Variants in SMAD6 observed in about 807,000 individuals in gnomAD.
SMAD6 encodes SMAD family member 6.
SMAD6 carries 103 observed loss-of-function variants against 39.4 expected under a neutral mutation model. That is an observed-to-expected ratio of 2.62 (90% CI 2.23 to 3.08). The LOEUF (loss-of-function observed/expected upper bound fraction) is 3.08, where lower values mean the gene tolerates loss of function less well. SMAD6 is among the 30% of genes most tolerant of loss of function. The pLI, the probability that SMAD6 is intolerant of heterozygous loss-of-function variation, is 0.00. For synonymous variants in SMAD6, 445 were observed against 353.3 expected (o/e 1.26, Z -2.91); for missense variants, 1,104 against 742.9 (o/e 1.49, Z -5.65).
At chr15:66,729,568 T>C (rs536744818) in intron 3 of SMAD6, among the ~76,000 whole-genome samples, 20 of 152,172 alleles carry the variant, frequency 1.3e-4, no homozygotes, top group Middle Eastern at 3.4e-3. Flanking sequence ...GACAGCGTGG[T>C]GTTTTCAGCC....
chr15:66,769,985 G>A (rs903680234), intron 3 of SMAD6, among the ~76,000 whole-genome samples: 5 of 152,096 alleles, frequency 3.3e-5, no homozygotes, highest in African/African-American at 9.7e-5. Flanking sequence ...CCGCCACCAC[G>A]CCCAGCTGAT....
intron 1 of SMAD6, chr15:66,705,084 G>A (rs1482889050): frequency 6.6e-6 from 1 of 152,352 alleles, no homozygotes; most frequent in African/African-American, 2.4e-5. Flanking sequence ...GACTGGCAGG[G>A]AGTCACAGGC....
At chr15:66,726,133 C>T (rs937856747) in intron 3 of SMAD6, among the ~76,000 whole-genome samples, 42 of 152,312 alleles carry the variant, frequency 2.8e-4, no homozygotes, top group African/African-American at 9.1e-4. Context: ...CCCTTCTCTG[C>T]ACCTGCCCCC....
chr15:66,762,852 T>TA (rs1894224180), intron 3 of SMAD6, among the ~76,000 whole-genome samples: 1 of 152,000 alleles, frequency 6.6e-6, no homozygotes, highest in African/African-American at 2.4e-5. Flanking sequence ...TTGTTGGTCT[T>TA]ACAATAGCAA....
chr15:66,731,437 CAAA>C (rs58387784), intron 3 of SMAD6, among the ~76,000 whole-genome samples: 4 of 126,814 alleles, frequency 3.2e-5, no homozygotes, highest in African/African-American at 3.0e-5. Context: ...GACTCCGTCT[CAAA>C]AAAAAAAAAA....
intron 3 of SMAD6, among the ~76,000 whole-genome samples, chr15:66,771,635 A>T (rs770011819): frequency 6.6e-6 from 1 of 152,188 alleles, no homozygotes; most frequent in Non-Finnish European, 1.5e-5. Flanking sequence ...CATATGAGGC[A>T]GCACCAAGGT....
intron 3 of SMAD6, among the ~76,000 whole-genome samples, chr15:66,744,381 A>G (rs1417147124): frequency 6.6e-6 from 1 of 152,170 alleles, no homozygotes; most frequent in African/African-American, 2.4e-5. Context: ...GGCGGCTTCC[A>G]TGTGCCTCAA....
chr15:66,746,513 T>TG (rs892069819), intron 3 of SMAD6, among the ~76,000 whole-genome samples: 2 of 148,382 alleles, frequency 1.3e-5, no homozygotes, highest in African/African-American at 4.9e-5. Flanking sequence ...TCTAGGGGGG[T>TG]GGGGGGTCCT....
In SMAD6 at chr15:66,704,023, C is replaced by T. The variant is rs1375800482; in HGVS notation, c.765C>T (p.Asp255=). 2.0e-6 allele frequency: 3 copies of T among 1,505,928 alleles called. No homozygotes were observed. The highest frequency in any genetic ancestry group is 1.4e-5 in the African/African-American group (1 of 69,436). The allele number at this position is 1,505,928 out of a possible 1,614,324, so 93.3% of individuals were successfully genotyped here. A position where few individuals can be genotyped will look rare whatever the true frequency, so the allele number is the denominator to read the frequency against. The change falls in exon 1 of 4, where the codon GAC becomes GAT. Residue 255 remains aspartate (D), a synonymous_variant. Coordinates refer to ENST00000288840, the MANE Select transcript of SMAD6 (RefSeq NM_005585.5). ...GCCACAGCTTCGCCGCCGCCGCCGA[C>T]GGCCCTACCGTGTGCTGCAACCCCT... ...CGCHSFAAAA[D]GPTVCCNPYH... is the part of the protein sequence containing the mutation.
At chr15:66,724,329 T>G (rs1893485158) in intron 3 of SMAD6, among the ~76,000 whole-genome samples, 1 of 151,854 alleles carries the variant, frequency 6.6e-6, no homozygotes, top group Admixed American at 6.6e-5. Context: ...TGAATGAATT[T>G]TTGCCTGGGG....
intron 3 of SMAD6, among the ~76,000 whole-genome samples, chr15:66,733,002 A>G (rs975620620): frequency 1.3e-5 from 2 of 152,090 alleles, no homozygotes; most frequent in African/African-American, 4.8e-5. Context: ...TAAGGTATAA[A>G]TATGAGTCTA....
intron 3 of SMAD6, among the ~76,000 whole-genome samples, chr15:66,719,764 G>T (rs564157284): frequency 5.9e-5 from 9 of 152,340 alleles, no homozygotes; most frequent in Non-Finnish European, 1.2e-4. Flanking sequence ...GCGAGGGGCC[G>T]CAGGAAAGGA....
At chr15:66,730,126 T>G (rs759471680) in intron 3 of SMAD6, among the ~76,000 whole-genome samples, 9 of 152,162 alleles carry the variant, frequency 5.9e-5, no homozygotes, top group Non-Finnish European at 1.0e-4. Context: ...GATTCTCTGT[T>G]TTCACTCCTG....
chr15:66,764,667 G>T (rs1223869205), intron 3 of SMAD6, among the ~76,000 whole-genome samples: 1 of 152,144 alleles, frequency 6.6e-6, no homozygotes, highest in Non-Finnish European at 1.5e-5. Context: ...ACTGTAAGCT[G>T]TGTATGGGCC....
At chr15:66,745,037 C>A (rs1259353436) in intron 3 of SMAD6, among the ~76,000 whole-genome samples, 1 of 152,154 alleles carries the variant, frequency 6.6e-6, no homozygotes, top group East Asian at 1.9e-4. Context: ...GCCTGCCCCC[C>A]ACCAGGTGAC....
chr15:66,703,722 G>T lies in SMAD6; in HGVS notation c.464G>T (p.Gly155Val). ...GGGGCGGCCCTGGAGCCGGCGGGCG[G>T]CGGGCGGAGTCGCGAAGCGCGCTCG... Reference protein sequence around the residue: ...LAGAALEPAGGGRSREARSRL... With the variant: ...LAGAALEPAGVGRSREARSRL... The change falls in exon 1 of 4, where the codon GGC becomes GTC. Residue 155 changes from glycine (G) to valine (V), a missense_variant. Physicochemically the swap from Gly to Val is moderately radical, Grantham distance 109 (BLOSUM62 -3). Transcript: ENST00000288840. The T allele has an allele frequency of 7.4e-7, 1 of 1,351,806 alleles. No individual in the cohort carries two copies. Among genetic ancestry groups the T allele is most frequent in the Non-Finnish European group, 9.6e-7 (1 of 1,038,844 alleles). 83.7% of individuals were successfully genotyped at this position (1,351,806 alleles called of 1,614,324 possible).
At chr15:66,722,764 G>C (rs1893456291) in intron 3 of SMAD6, among the ~76,000 whole-genome samples, 1 of 152,138 alleles carries the variant, frequency 6.6e-6, no homozygotes, top group Non-Finnish European at 1.5e-5. Flanking sequence ...GCTGGGTAGA[G>C]GTGTGAGGGG....
intron 3 of SMAD6, among the ~76,000 whole-genome samples, chr15:66,733,373 T>C (rs1272626646): frequency 6.6e-6 from 1 of 152,248 alleles, no homozygotes; most frequent in Admixed American, 6.5e-5. Context: ...AATCTGTTGA[T>C]GAATTTGAGC....
intron 1 of SMAD6, chr15:66,705,000 C>T (rs978455711): frequency 1.3e-5 from 2 of 152,328 alleles, no homozygotes; most frequent in African/African-American, 4.8e-5. Context: ...GGGGAACACA[C>T]ACTTTAGCCT....
Sources: allele counts gnomAD v4.1 joint callset (sites outside exome capture counted in the v4.1 genomes callset), GRCh38; gene constraint gnomAD v4.1.1; transcripts MANE v1.5; gene names NCBI Gene and HGNC (gene_info 2026-07-23, HGNC 2026-07-21).